Variants in ZNF587 observed in about 807,000 individuals in gnomAD.
The protein encoded by ZNF587 is zinc finger protein 587, also known as zinc finger protein zfp6.
A neutral mutation model predicts 7.5 loss-of-function variants in ZNF587; 8 were observed. That is an observed-to-expected ratio of 1.06 (90% CI 0.62 to 1.92). The LOEUF (loss-of-function observed/expected upper bound fraction) is 1.92. ZNF587 is among the 40% of genes most tolerant of loss of function. ZNF587 has a pLI of 0.00. For missense variants in ZNF587, 468 were observed against 692.8 expected (o/e 0.68, Z 3.64); for synonymous variants, 145 against 237.8 (o/e 0.61, Z 3.59).
rs2071453038 is a variant in ZNF587, at chr19:57,862,843, TTCTTCC to T, written c.*2708_*2713del. 1 of 155,088 alleles carries T rather than the reference TTCTTCC, an allele frequency of 6.4e-6. No homozygotes were observed. Among genetic ancestry groups the T allele is most frequent in the Non-Finnish European group, 1.5e-5 (1 of 68,252 alleles). The allele number at this position is 155,088 out of a possible 1,614,324, so 9.6% of individuals were successfully genotyped here. A position where few individuals can be genotyped will look rare whatever the true frequency, so the allele number is the denominator to read the frequency against. On this transcript the variant is annotated 3_prime_UTR_variant, in exon 3 of 3. Coordinates refer to ENST00000339656, the MANE Select transcript of ZNF587 (RefSeq NM_032828.4). The stretch of plus-strand genomic sequence containing the variant: ...ATCTGTTTCCTCTCACTCTGAATTA[TTCTTCC>T]TCTTATGGCTGACCAAAAACATGGA...
At position 57,860,199 on chromosome 19, in the gene ZNF587, G is replaced by T. The variant is rs780716042; in HGVS notation, c.*59G>T. The T allele has an allele frequency of 1.1e-5, 17 of 1,612,830 alleles. No individual in the cohort carries two copies. In the African/African-American group the frequency reaches 1.9e-4, roughly 18 times the overall value. On this transcript the variant is annotated 3_prime_UTR_variant, in exon 3 of 3. Transcript: ENST00000339656. ...ATCCCGTCTCGTTAAACACAGGAGA[G>T]TTCATACTGGAGAAAGGCCTTATGA...
chr19:57,857,666 C>T (rs1328723277), intron 2 of ZNF587, among the ~76,000 whole-genome samples: 1 of 151,674 alleles, frequency 6.6e-6, no homozygotes, highest in African/African-American at 2.4e-5. Context: ...GAGAGTTTTG[C>T]TCTTGTTGCC....
chr19:57,850,351 A>G, intron 1 of ZNF587: 2 of 613,012 alleles, frequency 3.3e-6, no homozygotes, highest in South Asian at 4.4e-5. Flanking sequence ...TATTCAAATC[A>G]GTCTCCCTGA....
At chr19:57,850,204 C>T (rs1481890721) in intron 1 of ZNF587, 133 bp downstream of exon 1, 3 of 1,542,090 alleles carry the variant, frequency 1.9e-6, no homozygotes, top group East Asian at 4.6e-5. Flanking sequence ...TCACAGGAGG[C>T]CTCTCCTTGT....
At chr19:57,858,122 C>G (rs200986964) in intron 2 of ZNF587, 1 of 123,520 alleles carries the variant, frequency 8.1e-6, no homozygotes, top group Non-Finnish European at 1.7e-5. Context: ...GAAGCCCCAT[C>G]TTTTTTTTTT....
intron 1 of ZNF587, among the ~76,000 whole-genome samples, chr19:57,855,602 G>C (rs2071344113): frequency 6.7e-6 from 1 of 148,208 alleles, no homozygotes; most frequent in East Asian, 2.0e-4. Flanking sequence ...CGCTCTGTTG[G>C]CCAGGGTGGA....
Position 57,860,158 on chromosome 19 carries a change from A to T in ZNF587, c.*18A>T. The T allele has an allele frequency of 6.2e-7, 1 of 1,614,130 alleles. No individual in the cohort carries two copies. Among genetic ancestry groups the T allele is most frequent in the Non-Finnish European group, 8.5e-7 (1 of 1,179,998 alleles). Reference sequence around the variant, plus strand: ...CCTTATGAGTGCAGTGAATATGGGAAATCGTTTGCTGAAGCATCCCGTCTC... The same window carrying T: ...CCTTATGAGTGCAGTGAATATGGGATATCGTTTGCTGAAGCATCCCGTCTC... On this transcript the variant is annotated 3_prime_UTR_variant, in exon 3 of 3. Coordinates refer to ENST00000339656, the MANE Select transcript of ZNF587 (RefSeq NM_032828.4).
rs2071432405 is a variant in ZNF587 at position 57,861,571 on chromosome 19, C to T, written c.*1431C>T. ...CGCGAACTCCTGGGCTCAGGCGATC[C>T]ACTTGCCTAGGCTCCAAAAGTGCTT... On this transcript the variant is annotated 3_prime_UTR_variant, in exon 3 of 3. Transcript: ENST00000339656. The T allele has an allele frequency of 1.3e-5, 2 of 152,174 alleles. No individual in the cohort carries two copies. The highest frequency in any genetic ancestry group is 4.8e-5 in the African/African-American group (2 of 41,418). The allele number at this position is 152,174 out of a possible 1,614,324, so 9.4% of individuals were successfully genotyped here.
chr19:57,860,754 G>T lies in ZNF587; in HGVS notation c.*614G>T, dbSNP rs2071423070. 6.5e-6 allele frequency: 1 copy of T among 154,794 alleles called. No individual in the cohort carries two copies. The highest frequency in any genetic ancestry group is 2.0e-4 in the South Asian group (1 of 5,060). 9.6% of individuals were successfully genotyped at this position (154,794 alleles called of 1,614,324 possible). A position where few individuals can be genotyped will look rare whatever the true frequency, so the allele number is the denominator to read the frequency against. On this transcript the variant is annotated 3_prime_UTR_variant, in exon 3 of 3. Transcript: ENST00000339656. ...AAAGAATGACATGCTTCTTGTTTTTGTCTGTTATAAATGAAACTGCTATAT... is the reference window on the plus strand; with the variant it reads ...AAAGAATGACATGCTTCTTGTTTTTTTCTGTTATAAATGAAACTGCTATAT...
In ZNF587 at chr19:57,860,305, G is replaced by A; in HGVS notation, c.*165G>A. 1.2e-5 allele frequency: 17 copies of A among 1,381,582 alleles called. No homozygotes were observed. The highest frequency in any genetic ancestry group is 1.7e-5 in the Non-Finnish European group (17 of 1,005,982). The allele number at this position is 1,381,582 out of a possible 1,614,324, so 85.6% of individuals were successfully genotyped here. On this transcript the variant is annotated 3_prime_UTR_variant, in exon 3 of 3. Coordinates refer to ENST00000339656, the MANE Select transcript of ZNF587 (RefSeq NM_032828.4). ...TCGTGTTGAGATGGAGTCTTGTTCTGTCACCCAGGCTGGAGTGCAGTGGTG... is the reference window on the plus strand; with the variant it reads ...TCGTGTTGAGATGGAGTCTTGTTCTATCACCCAGGCTGGAGTGCAGTGGTG...
At position 57,859,866 on chromosome 19, in the gene ZNF587, T is replaced by G. The variant is rs1219161194; in HGVS notation, c.1454T>G (p.Ile485Ser). The change falls in exon 3 of 3, where the codon ATT becomes AGT. Residue 485 changes from isoleucine (I) to serine (S), a missense_variant. By Grantham distance (142) the Ile-to-Ser change is moderately radical. Around this residue, in one of 5 missense-constraint regions of ZNF587, gnomAD observed 310 missense variants for 325.6 expected, o/e 0.95. Coordinates refer to ENST00000339656, the MANE Select transcript of ZNF587 (RefSeq NM_032828.4). ...NKHSVTIHQR[I>S]HTGERPYECS... Reference sequence around the variant, plus strand: ...CACAGCGTGACTATACATCAGAGGATTCACACTGGAGAAAGGCCGTATGAA... The same window carrying G: ...CACAGCGTGACTATACATCAGAGGAGTCACACTGGAGAAAGGCCGTATGAA... 1.9e-6 allele frequency: 3 copies of G among 1,613,978 alleles called. No individual in the cohort carries two copies. In the East Asian group the frequency reaches 6.7e-5, roughly 36 times the overall value.
chr19:57,859,451 A>G lies in ZNF587; in HGVS notation c.1039A>G (p.Thr347Ala). The change falls in exon 3 of 3, where the codon ACT becomes GCT. Residue 347 changes from threonine to alanine, a missense_variant. Transcript: ENST00000339656. ...GNLIQHQQGH[T>A]GERAYHCGEC... Reference sequence around the variant, plus strand: ...CCTCATTCAACATCAGCAAGGTCACACTGGAGAGAGAGCTTATCACTGTGG... The same window carrying G: ...CCTCATTCAACATCAGCAAGGTCACGCTGGAGAGAGAGCTTATCACTGTGG... 6.2e-7 allele frequency: 1 copy of G among 1,612,396 alleles called. No homozygotes were observed. Among genetic ancestry groups the G allele is most frequent in the Non-Finnish European group, 8.5e-7 (1 of 1,179,976 alleles).
At position 57,849,971 on chromosome 19, in the gene ZNF587, C is replaced by A; in HGVS notation, c.-68C>A. 2 of 1,613,646 alleles carry A rather than the reference C, an allele frequency of 1.2e-6. No individual in the cohort carries two copies. The highest frequency in any genetic ancestry group is 1.7e-6 in the Non-Finnish European group (2 of 1,179,904). On this transcript the variant is annotated 5_prime_UTR_variant, in exon 1 of 3. Transcript: ENST00000339656. ...GGTGGAGAGGAATCGTCCTCGGTGC[C>A]CAGAGGCGGCTCTGCAGCCCCGTGA... is the stretch of plus-strand genomic sequence containing the variant.
At chr19:57,853,200 C>T (rs983573310) in intron 1 of ZNF587, among the ~76,000 whole-genome samples, 16 of 152,138 alleles carry the variant, frequency 1.1e-4, no homozygotes, top group Non-Finnish European at 1.8e-4. Flanking sequence ...AAAGAGGAAT[C>T]GGGCATGAGC....
Position 57,850,037 on chromosome 19 carries a change from C to A in ZNF587, c.-2C>A. 6 of 1,614,250 alleles carry A rather than the reference C, an allele frequency of 3.7e-6. No homozygotes were observed. Among genetic ancestry groups the A allele is most frequent in the Non-Finnish European group, 4.2e-6 (5 of 1,180,050 alleles). ...CCGGGCCGTGCTTCCCCAAGTAGTC[C>A]GATGGCAGCGGCTGTGCCGAGGCGC... On this transcript the variant is annotated 5_prime_UTR_variant, in exon 1 of 3. Coordinates refer to ENST00000339656, the MANE Select transcript of ZNF587 (RefSeq NM_032828.4).
chr19:57,862,483 C>T lies in ZNF587; in HGVS notation c.*2343C>T, dbSNP rs1157688238. ...ATCCACATTAACTAATTTCCTCACT[C>T]CAAGCTCTTTTCTAGAGATAATCTC... On this transcript the variant is annotated 3_prime_UTR_variant, in exon 3 of 3. Transcript: ENST00000339656. 6.5e-6 allele frequency: 1 copy of T among 153,656 alleles called. No homozygotes were observed. Among genetic ancestry groups the T allele is most frequent in the African/African-American group, 2.4e-5 (1 of 41,464 alleles). The allele number at this position is 153,656 out of a possible 1,614,324, so 9.5% of individuals were successfully genotyped here.
At chr19:57,853,349 C>T (rs1428254983) in intron 1 of ZNF587, among the ~76,000 whole-genome samples, 1 of 152,182 alleles carries the variant, frequency 6.6e-6, no homozygotes, top group East Asian at 1.9e-4. Context: ...TAAGTGGTGG[C>T]ATCAAATCGA....
intron 1 of ZNF587, chr19:57,853,682 G>A (rs1444903003): frequency 1.3e-5 from 2 of 151,900 alleles, no homozygotes; most frequent in African/African-American, 2.4e-5. Context: ...AGAGATAGAT[G>A]CATGCAGAAG....
chr19:57,851,132 G>T (rs2071275897), intron 1 of ZNF587: 4 of 152,098 alleles, frequency 2.6e-5, no homozygotes, highest in Admixed American at 2.6e-4. Context: ...TCACACAGGG[G>T]AGACCAACTC....
Sources: gnomAD v4.1 joint callset for allele counts (sites outside exome capture counted in the v4.1 genomes callset) on GRCh38, gnomAD v4.1.1 for gene constraint, gnomAD v4.1.1 regional missense constraint, MANE v1.5 for transcripts, NCBI Gene and HGNC (gene_info 2026-07-23, HGNC 2026-07-21) for gene names.